The following CSN3 variants were observed in gnomAD, a reference collection of about 807,000 sequenced individuals.
The protein encoded by CSN3 is casein kappa, also known as kappa-casein.
CSN3 carries 7 observed loss-of-function variants against 9.9 expected under a neutral mutation model. The observed-to-expected ratio is 0.71, with a 90% CI of 0.40 to 1.33. The LOEUF is 1.33. Among genes scored for constraint, CSN3 ranks in the 40% most tolerant of loss-of-function variants. The pLI, the probability that CSN3 is intolerant of heterozygous loss-of-function variation, is 0.01. For missense variants in CSN3, 253 were observed against 227.9 expected (o/e 1.11, Z -0.71); for synonymous variants, 88 against 82.3 (o/e 1.07, Z -0.37).
chr4:70,248,313 GT>G (rs762648068), intron 3 of CSN3, among the ~76,000 whole-genome samples: 5 of 151,940 alleles, frequency 3.3e-5, no homozygotes, highest in Non-Finnish European at 7.4e-5. Flanking sequence ...TGTTTGCTTT[GT>G]AGTATAATTT....
chr4:70,244,281 C>T (rs1391316282), intron 1 of CSN3, among the ~76,000 whole-genome samples: 1 of 152,030 alleles, frequency 6.6e-6, no homozygotes, highest in Non-Finnish European at 1.5e-5. Flanking sequence ...CCTTCTCATA[C>T]AAGATTCCAA....
At chr4:70,242,501 G>C (rs1293298508), upstream of CSN3, 2 of 148,360 alleles carry the variant, frequency 1.3e-5, no homozygotes, top group Non-Finnish European at 3.0e-5. Flanking sequence ...AGGTGACCCT[G>C]CTATCATCAT....
chr4:70,245,298 A>T (rs1018559093), intron 2 of CSN3, among the ~76,000 whole-genome samples: 5 of 152,144 alleles, frequency 3.3e-5, no homozygotes, highest in African/African-American at 1.2e-4. Flanking sequence ...TTATGGAAAC[A>T]AAATCCTTCA....
chr4:70,247,740 A>AT, intron 2 of CSN3, 78 bp from the exon 3 acceptor site: 1 of 1,218,920 alleles, frequency 8.2e-7, no homozygotes, highest in South Asian at 1.4e-5. Flanking sequence ...AACACAAAAG[A>AT]TTTTTTTAAC....
intron 2 of CSN3, 44 bp downstream of exon 2, chr4:70,244,917 A>G: frequency 7.7e-7 from 1 of 1,291,810 alleles, no homozygotes; most frequent in Non-Finnish European, 1.1e-6. Context: ...CTTTAAGAAA[A>G]TTTTGTTTAA....
intron 2 of CSN3, among the ~76,000 whole-genome samples, chr4:70,247,072 G>A (rs1730392601): frequency 1.3e-5 from 2 of 152,136 alleles, no homozygotes; most frequent in South Asian, 4.2e-4. Flanking sequence ...TCAATTTTCT[G>A]ATTTTCTATA....
At chr4:70,242,904 T>TGA (rs1730301498) in intron 1 of CSN3, among the ~76,000 whole-genome samples, 1 of 152,116 alleles carries the variant, frequency 6.6e-6, no homozygotes, top group African/African-American at 2.4e-5. Context: ...AACTAAATCA[T>TGA]AGCAGCCATT....
intron 1 of CSN3, among the ~76,000 whole-genome samples, chr4:70,243,516 T>C (rs1730312462): frequency 1.3e-5 from 2 of 152,090 alleles, no homozygotes; most frequent in African/African-American, 4.8e-5. Context: ...TAATCATTAT[T>C]GCCTGAGAAT....
chr4:70,244,041 A>G (rs1730324542), intron 1 of CSN3, among the ~76,000 whole-genome samples: 2 of 152,116 alleles, frequency 1.3e-5, no homozygotes, highest in African/African-American at 4.8e-5. Context: ...TACAGGTAAG[A>G]AAATGTAAAG....
upstream of CSN3, among the ~76,000 whole-genome samples, chr4:70,239,278 A>T (rs75721346): frequency 0.11 from 17,249 of 151,814 alleles, 1,295 homozygotes; most frequent in East Asian, 0.28. Flanking sequence ...TGAATCACCA[A>T]GCCAAGAGCT....
chr4:70,243,202 T>C, intron 1 of CSN3: 1 of 968,180 alleles, frequency 1.0e-6, no homozygotes, highest in South Asian at 4.8e-5. Context: ...AGTATGGTCT[T>C]ATCTCTGTGA....
chr4:70,244,385 C>T (rs925690347), intron 1 of CSN3, among the ~76,000 whole-genome samples: 1 of 151,990 alleles, frequency 6.6e-6, no homozygotes, highest in African/African-American at 2.4e-5. Flanking sequence ...ATCTATATGT[C>T]ATTTTTTCCA....
At chr4:70,244,777 C>A (rs777634156) in intron 1 of CSN3, 35 bp from the exon 2 acceptor site, 11 of 1,302,306 alleles carry the variant, frequency 8.4e-6, no homozygotes, top group South Asian at 5.2e-5. Flanking sequence ...GTAACAAATT[C>A]TTTTAAATTA....
intron 1 of CSN3, among the ~76,000 whole-genome samples, chr4:70,243,721 CATATATT>C (rs1358576008): frequency 6.6e-6 from 1 of 151,908 alleles, no homozygotes; most frequent in East Asian, 1.9e-4. Context: ...TTTGGGGTAT[CATATATT>C]ATTAGTCTAA....
intron 2 of CSN3, 90 bp downstream of exon 2, chr4:70,244,963 G>T: frequency 1.6e-6 from 1 of 627,476 alleles, no homozygotes; most frequent in Non-Finnish European, 2.6e-6. Context: ...ATACAATTAT[G>T]CTTCATAGAA....
intron 4 of CSN3, among the ~76,000 whole-genome samples, 186 bp from the exon 5 acceptor site, chr4:70,251,076 T>C (rs1003184280): frequency 3.9e-5 from 6 of 152,164 alleles, no homozygotes; most frequent in African/African-American, 1.4e-4. Flanking sequence ...TCTGTAAATA[T>C]TACATAATGT....
chr4:70,248,596 G>A (rs540431108), intron 3 of CSN3, among the ~76,000 whole-genome samples: 4 of 152,090 alleles, frequency 2.6e-5, no homozygotes, highest in South Asian at 2.1e-4. Context: ...GTGTGTGTGC[G>A]CCATTCTGTG....
chr4:70,250,944 C>G (rs547941305), intron 4 of CSN3, among the ~76,000 whole-genome samples: 4 of 152,058 alleles, frequency 2.6e-5, no homozygotes, highest in Non-Finnish European at 4.4e-5. Flanking sequence ...AAACAGCTGG[C>G]TTATTATATT....
At position 70,244,877 on chromosome 4, in the gene CSN3, A is replaced by C; in HGVS notation, c.54+4A>C. 1 of 1,561,034 alleles carries C rather than the reference A, an allele frequency of 6.4e-7. No homozygotes were observed. The highest frequency in any genetic ancestry group is 8.7e-7 in the Non-Finnish European group (1 of 1,153,128). ...GGCATTAACCCTGCCTTTTTTGGTA[A>C]GTTAATTTCATCTAACCAGATTGTA... On this transcript the variant is annotated splice_donor_region_variant and intron_variant, in intron 2 of 4. Coordinates refer to ENST00000304954, the Ensembl canonical transcript of CSN3.
Sources: allele counts gnomAD v4.1 joint callset (sites outside exome capture counted in the v4.1 genomes callset), GRCh38; gene constraint gnomAD v4.1.1; transcripts MANE v1.5; gene names NCBI Gene and HGNC (gene_info 2026-07-23, HGNC 2026-07-21).